GPR55: variants seen among roughly 807,000 people sequenced by gnomAD.
The protein encoded by GPR55 is G protein-coupled receptor 55.
In GPR55, 6 loss-of-function variants were observed where a neutral mutation model predicts 7.9. The ratio of observed to expected loss-of-function variants is 0.76; its 90% CI spans 0.41 to 1.49. The LOEUF is 1.49. GPR55 is among the 40% of genes most tolerant of loss of function. The pLI, the probability that GPR55 is intolerant of heterozygous loss-of-function variation, is 0.01. For synonymous variants in GPR55, 183 were observed against 166.8 expected (o/e 1.10, Z -0.75); for missense variants, 376 against 406.0 (o/e 0.93, Z 0.63).
upstream of GPR55, among the ~76,000 whole-genome samples, chr2:230,925,927 G>A (rs1690934251): frequency 6.6e-6 from 1 of 152,096 alleles, no homozygotes; most frequent in Admixed American, 6.5e-5. Flanking sequence ...GGGCTGGGAG[G>A]GCTGAGACTC....
upstream of GPR55, among the ~76,000 whole-genome samples, chr2:230,925,731 C>T (rs1365230351): frequency 2.0e-5 from 3 of 152,172 alleles, no homozygotes; most frequent in Admixed American, 6.5e-5. Flanking sequence ...TTAGGACTTG[C>T]GTGCCTAGCG....
At chr2:230,912,037 C>T (rs893983652) in intron 1 of GPR55, among the ~76,000 whole-genome samples, 1 of 152,176 alleles carries the variant, frequency 6.6e-6, no homozygotes, top group African/African-American at 2.4e-5. Flanking sequence ...CCACCCTCTC[C>T]CCACTTGCCC....
rs76666878 is a variant in GPR55, at chr2:230,959,122, C to T, written c.-135+1653G>A. ...TTTCTCCTCCAGCTGCTCCATTTAT[C>T]GAATACTTTGTTGCCAGTGTTGTGG... On this transcript the variant is annotated intron_variant, in intron 1 of 1. Transcript: ENST00000392039. Among the ~76,000 whole-genome samples, 13 of 152,132 alleles carry T rather than the reference C, an allele frequency of 8.5e-5. No individual in the cohort carries two copies. In the East Asian group the frequency reaches 9.6e-4, roughly 11 times the overall value.
In GPR55 at chr2:230,909,107, T is replaced by A. The variant is rs1051687142; in HGVS notation, c.*896A>T. 6 of 152,284 alleles carry A rather than the reference T, an allele frequency of 3.9e-5. No individual in the cohort carries two copies. The highest frequency in any genetic ancestry group is 8.8e-5 in the Non-Finnish European group (6 of 68,088). 9.4% of individuals were successfully genotyped at this position (152,284 alleles called of 1,614,324 possible). On this transcript the variant is annotated 3_prime_UTR_variant, in exon 2 of 2. Coordinates refer to ENST00000650999, the MANE Select transcript of GPR55 (RefSeq NM_005683.4). ...AGCTGTAATGAGCAACTTCCCAGTC[T>A]GTTTAAGATAGAAAGCAGGTCGGGG...
chr2:230,913,936 A>C (rs528730419), intron 1 of GPR55, among the ~76,000 whole-genome samples: 3 of 152,352 alleles, frequency 2.0e-5, no homozygotes, highest in Non-Finnish European at 4.4e-5. Flanking sequence ...AGATCCAATA[A>C]GATTTTGAAA....
intron 1 of GPR55, among the ~76,000 whole-genome samples, chr2:230,920,983 A>G (rs1447827531): frequency 6.6e-6 from 1 of 152,228 alleles, no homozygotes; most frequent in Non-Finnish European, 1.5e-5. Context: ...ACAGAGTAAA[A>G]TGATAGCATA....
At chr2:230,919,871 C>G (rs1407319201) in intron 1 of GPR55, among the ~76,000 whole-genome samples, 2 of 151,476 alleles carry the variant, frequency 1.3e-5, no homozygotes, top group Non-Finnish European at 2.9e-5. Flanking sequence ...ATTTTTCTGT[C>G]TGACTGTTAT....
Position 230,911,004 on chromosome 2 carries a change from C to T in GPR55, c.-42G>A, listed in dbSNP as rs765123353. 5.8e-6 allele frequency: 9 copies of T among 1,556,194 alleles called. No individual in the cohort carries two copies. Among genetic ancestry groups the T allele is most frequent in the Non-Finnish European group, 7.8e-6 (9 of 1,146,874 alleles). On this transcript the variant is annotated 5_prime_UTR_variant, in exon 2 of 2. Transcript: ENST00000650999. ...CCAACAGATCAGACGGGGCTCCTTT[C>T]ACTCTCTTGAAGTGATGGATTCAAA...
intron 1 of GPR55, among the ~76,000 whole-genome samples, chr2:230,949,245 C>T (rs1401165573): frequency 6.6e-6 from 1 of 152,120 alleles, no homozygotes; most frequent in African/African-American, 2.4e-5. Flanking sequence ...CTCACTGCAA[C>T]GTCTGTCTCC....
chr2:230,950,201 T>C (rs1691378725), intron 1 of GPR55, among the ~76,000 whole-genome samples: 1 of 152,248 alleles, frequency 6.6e-6, no homozygotes, highest in Admixed American at 6.5e-5. Flanking sequence ...TTGAGATCCT[T>C]AACACTTTTT....
At chr2:230,922,166 C>A (rs950753924) in intron 1 of GPR55, among the ~76,000 whole-genome samples, 1 of 152,154 alleles carries the variant, frequency 6.6e-6, no homozygotes, top group African/African-American at 2.4e-5. Flanking sequence ...TGATTTTTAA[C>A]CCTGAAGTAG....
At chr2:230,921,615 C>A (rs1690836926) in intron 1 of GPR55, among the ~76,000 whole-genome samples, 1 of 152,158 alleles carries the variant, frequency 6.6e-6, no homozygotes, top group Non-Finnish European at 1.5e-5. Context: ...AATATTTATA[C>A]ACAAAACACA....
chr2:230,933,043 C>T (rs111289700), intron 1 of GPR55, among the ~76,000 whole-genome samples: 4 of 151,142 alleles, frequency 2.6e-5, no homozygotes, highest in Non-Finnish European at 4.4e-5. Flanking sequence ...TGCTTTCACC[C>T]GGCTGCTTCC....
At chr2:230,940,262 C>T (rs1691205200) in intron 1 of GPR55, among the ~76,000 whole-genome samples, 1 of 152,158 alleles carries the variant, frequency 6.6e-6, no homozygotes, top group African/African-American at 2.4e-5. Context: ...ACACAGCCAC[C>T]TCCCTCCTGG....
upstream of GPR55, among the ~76,000 whole-genome samples, chr2:230,929,323 C>T (rs1287713383): frequency 6.6e-6 from 1 of 152,148 alleles, no homozygotes; most frequent in South Asian, 2.1e-4. Flanking sequence ...CCCCCCAACT[C>T]GGGGCCCTGA....
intron 1 of GPR55, chr2:230,957,872 A>G (rs1691516789): frequency 1.7e-6 from 1 of 581,182 alleles, no homozygotes; most frequent in East Asian, 5.1e-5. Flanking sequence ...ATTGCCAGAG[A>G]AGGAATTAAA....
intron 1 of GPR55, among the ~76,000 whole-genome samples, chr2:230,952,472 TG>T (rs1230917988): frequency 5.2e-4 from 79 of 152,338 alleles, no homozygotes; most frequent in African/African-American, 1.8e-3. Flanking sequence ...TTGTGTGATC[TG>T]GGGATGGCCA....
chr2:230,955,042 G>A (rs868388373), intron 1 of GPR55, among the ~76,000 whole-genome samples: 1 of 152,212 alleles, frequency 6.6e-6, no homozygotes. Flanking sequence ...GTTAGGGACA[G>A]AGTCATCTTT....
rs1691517537 is a variant in GPR55 at position 230,957,957 on chromosome 2, A to C, written c.-135+2818T>G. ...CCAAGGGCAACAGCAGCAATTGAACAATCTTGAGCATAGAAATCAGACTCC... is the reference window on the plus strand; with the variant it reads ...CCAAGGGCAACAGCAGCAATTGAACCATCTTGAGCATAGAAATCAGACTCC... On this transcript the variant is annotated intron_variant, in intron 1 of 1. Coordinates refer to the GPR55 transcript ENST00000392039. The C allele has an allele frequency of 6.5e-6, 3 of 459,888 alleles. No individual in the cohort carries two copies. In the Admixed American group the frequency reaches 8.3e-5, roughly 13 times the overall value. The allele number at this position is 459,888 out of a possible 1,614,324, so 28.5% of individuals were successfully genotyped here.
Sources: gnomAD v4.1 joint callset for allele counts (sites outside exome capture counted in the v4.1 genomes callset) on GRCh38, gnomAD v4.1.1 for gene constraint, MANE v1.5 for transcripts, NCBI Gene and HGNC (gene_info 2026-07-23, HGNC 2026-07-21) for gene names.